Variants in TUT4 observed in about 807,000 individuals in gnomAD.
TUT4 encodes the protein terminal uridylyltransferase 4.
A neutral mutation model predicts 192.2 loss-of-function variants in TUT4; 36 were observed. The ratio of observed to expected loss-of-function variants is 0.19; its 90% CI spans 0.14 to 0.25. The LOEUF (loss-of-function observed/expected upper bound fraction) is 0.25, where lower values mean the gene tolerates loss of function less well. Ranked by LOEUF, TUT4 falls within the 10% of genes least tolerant of loss-of-function variation. The pLI is 1.00. For synonymous variants in TUT4, 618 were observed against 666.0 expected, an observed-to-expected ratio of 0.93 and a Z score of 1.11; for missense variants, 1,493 against 1,957.2, an observed-to-expected ratio of 0.76 and a Z score of 4.47.
intron 6 of TUT4, among the ~76,000 whole-genome samples, chr1:52,494,309 A>G (rs1671922811): frequency 6.6e-6 from 1 of 152,222 alleles, no homozygotes; most frequent in Admixed American, 6.5e-5. Flanking sequence ...TAAGGGATAT[A>G]GACAACTGGA....
rs551258280 is a variant in TUT4 at position 52,481,776 on chromosome 1, C to T, written c.1635+28G>A. The T allele has an allele frequency of 1.8e-5, 28 of 1,561,028 alleles. No individual in the cohort carries two copies. The East Asian group carries it at 3.4e-4, about 19-fold the overall frequency. On this transcript the variant is annotated intron_variant, in intron 10 of 29. Transcript: ENST00000257177. ...CAAGAGCAAACTATATATATATATG[C>T]ATATATATGTCACAAATTCATGCTT...
In TUT4 at chr1:52,458,403, G is replaced by A; in HGVS notation, c.3368C>T (p.Ala1123Val). The change falls in exon 20 of 30, where the codon GCA (alanine) becomes GTA (valine). Residue 1123 changes from alanine to valine, a missense_variant. Ala to Val is a moderately conservative substitution (Grantham distance 64). Coordinates refer to ENST00000257177, the MANE Select transcript of TUT4 (RefSeq NM_001009881.3). The part of the protein sequence containing the change: ...DASRGSLSSY[A>V]YILMVLYFLQ... ...AAAGTACAGCACCATAAGGATATAT[G>A]CATATGAAGATAAACTTCCCCTGGA... The A allele has an allele frequency of 6.2e-7, 1 of 1,613,854 alleles. No homozygotes were observed. The highest frequency in any genetic ancestry group is 1.3e-5 in the African/African-American group (1 of 75,008).
intron 9 of TUT4, among the ~76,000 whole-genome samples, chr1:52,484,546 CA>C (rs1319492299): frequency 6.6e-6 from 1 of 152,140 alleles, no homozygotes; most frequent in African/African-American, 2.4e-5. Flanking sequence ...TTTACATATA[CA>C]TACTCCTACA....
Position 52,435,396 on chromosome 1 carries a change from T to C in TUT4, c.4232A>G (p.Gln1411Arg). The C allele has an allele frequency of 6.2e-7, 1 of 1,614,238 alleles. No individual in the cohort carries two copies. Among genetic ancestry groups the C allele is most frequent in the Non-Finnish European group, 8.5e-7 (1 of 1,180,030 alleles). ...VAGSAQQQGD[Q>R]SIRTRQSSEC... Reference sequence around the variant, plus strand: ...TGATGACTGTCTAGTCCTTATGGACTGATCACCCTGTTGCTGAGCTGAACC... The same window carrying C: ...TGATGACTGTCTAGTCCTTATGGACCGATCACCCTGTTGCTGAGCTGAACC... The change falls in exon 27 of 30, where the codon CAG becomes CGG. Residue 1411 changes from glutamine to arginine, a missense_variant. Coordinates refer to ENST00000257177, the MANE Select transcript of TUT4 (RefSeq NM_001009881.3).
intron 9 of TUT4, among the ~76,000 whole-genome samples, chr1:52,482,578 C>T (rs1433518917): frequency 2.6e-5 from 4 of 152,098 alleles, no homozygotes; most frequent in African/African-American, 9.7e-5. Context: ...AGGCATGCAC[C>T]ACCATGCTCA....
chr1:52,470,872 C>A (rs1037760378), intron 14 of TUT4, among the ~76,000 whole-genome samples: 4 of 152,040 alleles, frequency 2.6e-5, no homozygotes, highest in African/African-American at 9.7e-5. Context: ...CCCAGGTACT[C>A]TGTAAACGTT....
intron 2 of TUT4, among the ~76,000 whole-genome samples, chr1:52,517,086 C>G (rs1306404824): frequency 3.9e-5 from 6 of 152,144 alleles, no homozygotes; most frequent in Non-Finnish European, 5.9e-5. Flanking sequence ...CATTGATGCT[C>G]CCCCATTAAT....
intron 9 of TUT4, among the ~76,000 whole-genome samples, chr1:52,485,801 ATATATTTCATTTGCT>A (rs948450870): frequency 1.3e-5 from 2 of 152,088 alleles, no homozygotes; most frequent in African/African-American, 4.8e-5. Flanking sequence ...TGATACATGG[ATATATTTCATTTGCT>A]TATATTTCAT....
chr1:52,454,978 G>T (rs1241331495), intron 20 of TUT4, among the ~76,000 whole-genome samples: 7 of 152,172 alleles, frequency 4.6e-5, no homozygotes, highest in Non-Finnish European at 1.0e-4. Flanking sequence ...TCATCAGGGA[G>T]ATGCAAATTA....
intron 1 of TUT4, among the ~76,000 whole-genome samples, chr1:52,540,664 T>C (rs1350109656): frequency 6.6e-6 from 1 of 152,226 alleles, no homozygotes; most frequent in Non-Finnish European, 1.5e-5. Flanking sequence ...ACCCTGTTTA[T>C]GACTTGCCTA....
At chr1:52,495,313 T>G in intron 6 of TUT4, 114 bp downstream of exon 6, 2 of 540,376 alleles carry the variant, frequency 3.7e-6, no homozygotes, top group Non-Finnish European at 6.2e-6. Context: ...GTCACGATGG[T>G]AACACTATAC....
Position 52,526,365 on chromosome 1 carries a change from G to T in TUT4, c.-85C>A. The T allele has an allele frequency of 8.3e-6, 10 of 1,199,232 alleles. No individual in the cohort carries two copies. Among genetic ancestry groups the T allele is most frequent in the Non-Finnish European group, 1.1e-5 (10 of 929,484 alleles). The allele number at this position is 1,199,232 out of a possible 1,614,324, so 74.3% of individuals were successfully genotyped here. On this transcript the variant is annotated 5_prime_UTR_variant, in exon 2 of 30. Coordinates refer to ENST00000257177, the MANE Select transcript of TUT4 (RefSeq NM_001009881.3). Reference sequence around the variant, plus strand: ...TTAAATTGCTTCAAGTCCAGTTTAGGCAAGCAAACTATTGGGTTAAAAAAA... The same window carrying T: ...TTAAATTGCTTCAAGTCCAGTTTAGTCAAGCAAACTATTGGGTTAAAAAAA...
chr1:52,431,037 T>C lies in TUT4; in HGVS notation c.4687A>G (p.Asn1563Asp). ...CCTGAATTCCCCACTGCACCACTGTTTACCAGGGAATTTGGAGCCACAGTA... is the reference window on the plus strand; with the variant it reads ...CCTGAATTCCCCACTGCACCACTGTCTACCAGGGAATTTGGAGCCACAGTA... Reference protein sequence around the residue: ...PRTVAPNSLVNSGAVGNSEPG... With the variant: ...PRTVAPNSLVDSGAVGNSEPG... The change falls in exon 28 of 30, where the codon AAC becomes GAC. Residue 1563 changes from asparagine to aspartate, a missense_variant. Coordinates refer to ENST00000257177, the MANE Select transcript of TUT4 (RefSeq NM_001009881.3). The C allele has an allele frequency of 6.3e-7, 1 of 1,599,476 alleles. No individual in the cohort carries two copies. The highest frequency in any genetic ancestry group is 1.3e-5 in the African/African-American group (1 of 74,810).
intron 16 of TUT4, chr1:52,463,021 T>C (rs1210617357): frequency 3.0e-6 from 3 of 985,032 alleles, no homozygotes; most frequent in African/African-American, 1.7e-5. Context: ...TCACATATGA[T>C]AAAATTAACA....
At chr1:52,544,811 C>T (rs571146788) in intron 1 of TUT4, among the ~76,000 whole-genome samples, 1 of 152,258 alleles carries the variant, frequency 6.6e-6, no homozygotes, top group Admixed American at 6.5e-5. Flanking sequence ...AATCCCAGCA[C>T]TCTGGGAGGC....
At chr1:52,475,782 T>C (rs1666922347) in intron 12 of TUT4, among the ~76,000 whole-genome samples, 1 of 151,966 alleles carries the variant, frequency 6.6e-6, no homozygotes, top group Non-Finnish European at 1.5e-5. Context: ...AGGTCACTAA[T>C]AATGGGATGG....
chr1:52,529,017 ATTC>A (rs1308529727), intron 1 of TUT4, among the ~76,000 whole-genome samples: 6 of 152,052 alleles, frequency 3.9e-5, no homozygotes, highest in African/African-American at 9.7e-5. Flanking sequence ...TTGGCCAATA[ATTC>A]TTCTTTATAG....
chr1:52,434,951 C>T (rs914787428), intron 27 of TUT4: 3 of 152,880 alleles, frequency 2.0e-5, no homozygotes, highest in Non-Finnish European at 2.9e-5. Flanking sequence ...TATGAGAAGA[C>T]AGAAGTTTCA....
At chr1:52,429,128 G>C (rs2148104558) in intron 28 of TUT4, among the ~76,000 whole-genome samples, 1 of 142,256 alleles carries the variant, frequency 7.0e-6, no homozygotes, top group African/African-American at 2.7e-5. Context: ...CTGTCGCCCA[G>C]GCTGGAGTGC....
Sources: gnomAD v4.1 joint callset for allele counts (sites outside exome capture counted in the v4.1 genomes callset) on GRCh38, gnomAD v4.1.1 for gene constraint, MANE v1.5 for transcripts, NCBI Gene and HGNC (gene_info 2026-07-23, HGNC 2026-07-21) for gene names.